Variants in ZCWPW2 observed in about 807,000 individuals in gnomAD.
ZCWPW2 encodes zinc finger CW-type PWWP domain protein 2.
Under a neutral mutation model 46.6 loss-of-function variants are expected in ZCWPW2, and 45 were observed. The observed-to-expected ratio is 0.96, with a 90% CI of 0.76 to 1.24. The LOEUF (loss-of-function observed/expected upper bound fraction) is 1.24, where lower values mean the gene tolerates loss of function less well. ZCWPW2 is among the 50% of genes most tolerant of loss of function. ZCWPW2 has a pLI of 0.00. For missense variants in ZCWPW2, 429 were observed against 403.9 expected (o/e 1.06, Z -0.53); for synonymous variants, 152 against 137.1 (o/e 1.11, Z -0.76).
intron 4 of ZCWPW2, among the ~76,000 whole-genome samples, chr3:28,435,736 C>T (rs1697460379): frequency 6.6e-6 from 1 of 151,922 alleles, no homozygotes; most frequent in African/African-American, 2.4e-5. Context: ...TCAGCCCGCC[C>T]CGGCCTCCGA....
At position 28,354,421 on chromosome 3, in the gene ZCWPW2, G is replaced by C. The variant is rs1310434788; in HGVS notation, c.-134+5218G>C. On this transcript the variant is annotated intron_variant, in intron 1 of 9. Coordinates refer to ENST00000383768, the MANE Select transcript of ZCWPW2 (RefSeq NM_001040432.4). ...GGATTCACAGCCAAATTCTACCAGAGGTACAAAGAGGAGCTGGTACCATTC... is the reference window on the plus strand; with the variant it reads ...GGATTCACAGCCAAATTCTACCAGACGTACAAAGAGGAGCTGGTACCATTC... 1.4e-5 allele frequency among the ~76,000 whole-genome samples: 2 copies of C among 141,124 alleles called. 1 individual carries two copies. Among genetic ancestry groups the C allele is most frequent in the African/African-American group, 5.1e-5 (2 of 39,594 alleles). The allele number at this position is 141,124 out of a possible 152,430, so 92.6% of individuals were successfully genotyped here.
chr3:28,446,515 C>A (rs2125774899), intron 4 of ZCWPW2, among the ~76,000 whole-genome samples: 2 of 151,768 alleles, frequency 1.3e-5, no homozygotes, highest in South Asian at 4.2e-4. Flanking sequence ...TAATAGTATG[C>A]AATGAAAGCA....
intron 1 of ZCWPW2, among the ~76,000 whole-genome samples, chr3:28,353,166 A>G (rs1704618975): frequency 1.3e-5 from 2 of 152,000 alleles, no homozygotes; most frequent in Non-Finnish European, 2.9e-5. Context: ...CCTGGGTGAC[A>G]GACCAAGACT....
At chr3:28,459,231 A>G (rs956940332) in intron 4 of ZCWPW2, among the ~76,000 whole-genome samples, 2 of 152,090 alleles carry the variant, frequency 1.3e-5, no homozygotes, top group Non-Finnish European at 2.9e-5. Context: ...TTAGCCAGGC[A>G]TGCTGGCAGG....
chr3:28,486,798 C>T (rs774672322), intron 5 of ZCWPW2, among the ~76,000 whole-genome samples: 2 of 150,968 alleles, frequency 1.3e-5, no homozygotes, highest in Admixed American at 6.6e-5. Context: ...CCTGGGAGGT[C>T]GAGGCTGCAG....
intron 6 of ZCWPW2, among the ~76,000 whole-genome samples, chr3:28,512,898 T>A (rs1700466916): frequency 6.6e-6 from 1 of 152,178 alleles, no homozygotes; most frequent in Non-Finnish European, 1.5e-5. Context: ...TACTTATTTT[T>A]AATTTAGGTT....
At chr3:28,409,633 T>A (rs1696317159) in intron 2 of ZCWPW2, among the ~76,000 whole-genome samples, 1 of 152,176 alleles carries the variant, frequency 6.6e-6, no homozygotes, top group Non-Finnish European at 1.5e-5. Context: ...AAGCATTCTG[T>A]TATTCTGAAG....
chr3:28,387,691 T>TA (rs1695326114), intron 1 of ZCWPW2, among the ~76,000 whole-genome samples: 2 of 152,156 alleles, frequency 1.3e-5, no homozygotes, highest in Admixed American at 6.6e-5. Flanking sequence ...AGTGATATCA[T>TA]AAAAAATGGC....
At chr3:28,474,644 C>T (rs1359109301) in intron 4 of ZCWPW2, among the ~76,000 whole-genome samples, 1 of 151,036 alleles carries the variant, frequency 6.6e-6, no homozygotes, top group African/African-American at 2.4e-5. Flanking sequence ...CGCGCACATG[C>T]GCATTTGTGT....
chr3:28,481,093 C>T (rs1192783311), intron 5 of ZCWPW2, among the ~76,000 whole-genome samples: 1 of 151,896 alleles, frequency 6.6e-6, no homozygotes, highest in African/African-American at 2.4e-5. Context: ...TCTTGAACTT[C>T]CCATTGCTTG....
chr3:28,388,798 C>T (rs767169411), intron 1 of ZCWPW2, among the ~76,000 whole-genome samples: 17 of 152,160 alleles, frequency 1.1e-4, no homozygotes, highest in Non-Finnish European at 1.8e-4. Flanking sequence ...ATAACCCAGT[C>T]CTTCATTCTT....
intron 2 of ZCWPW2, among the ~76,000 whole-genome samples, chr3:28,410,483 A>G (rs965389311): frequency 6.6e-6 from 1 of 152,030 alleles, no homozygotes; most frequent in African/African-American, 2.4e-5. Flanking sequence ...AACAAAACAA[A>G]TGCCAAAAAA....
intron 6 of ZCWPW2, chr3:28,511,257 G>C: frequency 4.8e-6 from 1 of 208,786 alleles, no homozygotes; most frequent in South Asian, 7.2e-5. Context: ...CATATTGTTG[G>C]ATCCTAACTC....
At chr3:28,361,467 T>C (rs971768894) in intron 1 of ZCWPW2, among the ~76,000 whole-genome samples, 1 of 151,950 alleles carries the variant, frequency 6.6e-6, no homozygotes, top group Non-Finnish European at 1.5e-5. Flanking sequence ...CTTCATAACA[T>C]TGGTCTTGGT....
At chr3:28,410,785 G>T (rs1414260557) in intron 2 of ZCWPW2, among the ~76,000 whole-genome samples, 2 of 151,788 alleles carry the variant, frequency 1.3e-5, no homozygotes, top group African/African-American at 2.4e-5. Context: ...AGGAAAGAAA[G>T]AATTAAGAAA....
intron 4 of ZCWPW2, chr3:28,447,888 G>A (rs549120329): frequency 5.4e-6 from 5 of 919,942 alleles, no homozygotes; most frequent in South Asian, 2.6e-5. Context: ...GACTTAGAGG[G>A]GTTCGTGCTG....
intron 9 of ZCWPW2, among the ~76,000 whole-genome samples, chr3:28,523,878 C>G (rs922976428): frequency 6.6e-6 from 1 of 151,988 alleles, no homozygotes; most frequent in Non-Finnish European, 1.5e-5. Flanking sequence ...TTTTATAAAT[C>G]CACCTGAATA....
intron 3 of ZCWPW2, among the ~76,000 whole-genome samples, chr3:28,426,125 TTA>T (rs200958466): frequency 1.1e-4 from 17 of 150,842 alleles, no homozygotes; most frequent in Non-Finnish European, 2.1e-4. Flanking sequence ...AAAATTATAT[TTA>T]TATATATATA....
In ZCWPW2 at chr3:28,387,239, G is replaced by A. The variant is rs150197931; in HGVS notation, c.-133-3259G>A. On this transcript the variant is annotated intron_variant, in intron 1 of 9. Coordinates refer to ENST00000383768, the MANE Select transcript of ZCWPW2 (RefSeq NM_001040432.4). ...TGGACCACCTCTCATCTTTGTAGGC[G>A]TTTTCTTCTGTGCATGTTCTGCACA... Among the ~76,000 whole-genome samples the A allele has an allele frequency of 4.4e-3, 674 of 152,204 alleles. 6 individuals carry two copies. The highest frequency in any genetic ancestry group is 0.015 in the African/African-American group (626 of 41,522).
Sources: allele counts gnomAD v4.1 joint callset (sites outside exome capture counted in the v4.1 genomes callset), GRCh38; gene constraint gnomAD v4.1.1; transcripts MANE v1.5; gene names NCBI Gene and HGNC (gene_info 2026-07-23, HGNC 2026-07-21).